ONECUT2: variants seen among roughly 807,000 people sequenced by gnomAD.
ONECUT2 encodes the protein one cut domain family member 2.
A neutral mutation model predicts 27.9 loss-of-function variants in ONECUT2; 10 were observed. The ratio of observed to expected loss-of-function variants is 0.36; its 90% confidence interval spans 0.22 to 0.61. The LOEUF (loss-of-function observed/expected upper bound fraction) is 0.61. Among genes scored for constraint, ONECUT2 ranks in the 20% least tolerant of loss-of-function variants. The pLI, the probability that ONECUT2 is intolerant of heterozygous loss-of-function variation, is 0.73. For missense variants in ONECUT2, 686 were observed against 721.0 expected (o/e 0.95, Z 0.56); for synonymous variants, 334 against 315.1 (o/e 1.06, Z -0.64).
chr18:57,461,079 T>C (rs2050288614), intron 1 of ONECUT2, among the ~76,000 whole-genome samples: 1 of 152,236 alleles, frequency 6.6e-6, no homozygotes, highest in Non-Finnish European at 1.5e-5. Flanking sequence ...CTTGTTACTG[T>C]TGTGAAGGTT....
At chr18:57,458,501 T>A (rs1222623122) in intron 1 of ONECUT2, among the ~76,000 whole-genome samples, 2 of 152,242 alleles carry the variant, frequency 1.3e-5, no homozygotes, top group Non-Finnish European at 1.5e-5. Context: ...CCAAAGCTCC[T>A]TCTTTCCTTT....
At position 57,436,494 on chromosome 18, in the gene ONECUT2, C is replaced by G; in HGVS notation, c.778C>G (p.Pro260Ala). The G allele has an allele frequency of 6.2e-7, 1 of 1,613,408 alleles. No homozygotes were observed. Among genetic ancestry groups the G allele is most frequent in the Non-Finnish European group, 8.5e-7 (1 of 1,179,890 alleles). Residue 260 changes from proline (P) to alanine (A), a missense_variant, in exon 1 of 2, where the codon CCC becomes GCC. Coordinates refer to ENST00000491143, the MANE Select transcript of ONECUT2 (RefSeq NM_004852.3). This position sits in a 1 kb window ranked among gnomAD's most constrained non-coding sequence, Gnocchi z 5.9. ...GPPGHDKMLS[P>A]NFDAHHTAML... ...GCCGGGCCACGACAAAATGCTCAGC[C>G]CCAACTTCGACGCGCACCACACTGC...
chr18:57,476,369 A>G (rs1404678022), intron 1 of ONECUT2, 68 bp from the exon 2 acceptor site: 5 of 1,517,632 alleles, frequency 3.3e-6, no homozygotes, highest in African/African-American at 1.4e-5. Context: ...AACTTTGTCA[A>G]TGTTTTCCAT....
rs1160666886 is a variant in ONECUT2 at position 57,486,933 on chromosome 18, T to C, written c.*10210T>C. 6.5e-6 allele frequency: 1 copy of C among 152,684 alleles called. No individual in the cohort carries two copies. The highest frequency in any genetic ancestry group is 1.5e-5 in the Non-Finnish European group (1 of 68,046). 9.5% of individuals were successfully genotyped at this position (152,684 alleles called of 1,614,324 possible). A position where few individuals can be genotyped will look rare whatever the true frequency, so the allele number is the denominator to read the frequency against. On this transcript the variant is annotated 3_prime_UTR_variant, in exon 2 of 2. Coordinates refer to ENST00000491143, the MANE Select transcript of ONECUT2 (RefSeq NM_004852.3). Reference sequence around the variant, plus strand: ...AGTGCTATAATTTTATGCATGAGGCTAAAAATTTAGCAGTGTGATGCATTG... The same window carrying C: ...AGTGCTATAATTTTATGCATGAGGCCAAAAATTTAGCAGTGTGATGCATTG...
intron 1 of ONECUT2, among the ~76,000 whole-genome samples, chr18:57,471,291 G>A (rs1268257818): frequency 2.6e-5 from 4 of 152,170 alleles, no homozygotes; most frequent in Admixed American, 6.5e-5. Flanking sequence ...CTCCTAGAAC[G>A]CCCAGGAGCA....
At position 57,477,762 on chromosome 18, in the gene ONECUT2, C is replaced by G. The variant is rs558244089; in HGVS notation, c.*1039C>G. 4 of 152,430 alleles carry G rather than the reference C, an allele frequency of 2.6e-5. No homozygotes were observed. The highest frequency in any genetic ancestry group is 2.6e-4 in the Admixed American group (4 of 15,290). 9.4% of individuals were successfully genotyped at this position (152,430 alleles called of 1,614,324 possible). ...TCCTTGGTTGATCAGTCATCTGGTC[C>G]CTCCTACTGTGTGTTATGACCACCA... On this transcript the variant is annotated 3_prime_UTR_variant, in exon 2 of 2. Coordinates refer to ENST00000491143, the MANE Select transcript of ONECUT2 (RefSeq NM_004852.3).
At position 57,436,633 on chromosome 18, in the gene ONECUT2, C is replaced by T. The variant is rs541827118; in HGVS notation, c.917C>T (p.Pro306Leu). 181 of 1,611,782 alleles carry T rather than the reference C, an allele frequency of 1.1e-4. No homozygotes were observed. The highest frequency in any genetic ancestry group is 5.8e-4 in the Admixed American group (35 of 59,996). Residue 306 changes from proline (P) to leucine (L), a missense_variant, in exon 1 of 2, where the codon CCG (proline) becomes CTG (leucine). Coordinates refer to ENST00000491143, the MANE Select transcript of ONECUT2 (RefSeq NM_004852.3). This position sits in a 1 kb window ranked among gnomAD's most constrained non-coding sequence, Gnocchi z 5.9. ...HHPGHTQSHG[P>L]VLAPSRERPP... ...CCGGGCCACACTCAGTCTCACGGGC[C>T]GGTGCTGGCACCCAGTCGCGAGCGG...
chr18:57,454,207 G>A (rs773315824), intron 1 of ONECUT2, among the ~76,000 whole-genome samples: 1 of 152,118 alleles, frequency 6.6e-6, no homozygotes, highest in Non-Finnish European at 1.5e-5. Flanking sequence ...GTTATTGTGA[G>A]CCTTAAGTAA....
At chr18:57,458,367 A>G (rs2050271665) in intron 1 of ONECUT2, among the ~76,000 whole-genome samples, 1 of 152,194 alleles carries the variant, frequency 6.6e-6, no homozygotes, top group Admixed American at 6.5e-5. Flanking sequence ...CAGTGCATTT[A>G]TTTACCTACA....
chr18:57,461,324 C>T (rs991353344), intron 1 of ONECUT2, among the ~76,000 whole-genome samples: 8 of 152,148 alleles, frequency 5.3e-5, no homozygotes, highest in Non-Finnish European at 4.4e-5. Flanking sequence ...ACTCATATGC[C>T]ACAGTTAATC....
In ONECUT2 at chr18:57,436,399, C is replaced by G; in HGVS notation, c.683C>G (p.Ala228Gly). ...ATGAGCCAGAGCCTGTCCCCGCTGG[C>G]CGCCACGCCGCTGGGCAACGGGCTA... ...PGMSQSLSPL[A>G]ATPLGNGLGG... is the part of the protein sequence containing the mutation. The change falls in exon 1 of 2, where the codon GCC (alanine) becomes GGC (glycine). Residue 228 changes from alanine (A) to glycine (G), a missense_variant. This residue lies in a region of ONECUT2 where 511 missense variants were observed against 488.1 expected (regional missense o/e 1.05). Transcript: ENST00000491143. The surrounding 1 kb of genome is among the most constrained non-coding windows in gnomAD (Gnocchi z 5.9). 1 of 1,610,272 alleles carries G rather than the reference C, an allele frequency of 6.2e-7. No individual in the cohort carries two copies. Among genetic ancestry groups the G allele is most frequent in the Non-Finnish European group, 8.5e-7 (1 of 1,179,798 alleles).
chr18:57,437,743 T>A (rs1043542562), intron 1 of ONECUT2, among the ~76,000 whole-genome samples: 1 of 152,244 alleles, frequency 6.6e-6, no homozygotes, highest in Non-Finnish European at 1.5e-5. Flanking sequence ...TTTGCCTTGC[T>A]CACCGGCCGT....
rs1331607960 is a variant in ONECUT2 at position 57,435,997 on chromosome 18, C to A, written c.281C>A (p.Ala94Glu). Residue 94 changes from alanine to glutamate, a missense_variant, in exon 1 of 2, where the codon GCG becomes GAG. Ala to Glu is a moderately radical substitution (Grantham distance 107, BLOSUM62 -1). Transcript: ENST00000491143. ...PPTAHQELGTAAAAAAAASRS... is the reference protein window; with the variant it reads ...PPTAHQELGTEAAAAAAASRS... Reference sequence around the variant, plus strand: ...ACCGCGCACCAGGAGCTGGGCACGGCGGCAGCGGCGGCAGCGGCGGCGTCG... The same window carrying A: ...ACCGCGCACCAGGAGCTGGGCACGGAGGCAGCGGCGGCAGCGGCGGCGTCG... 3 of 1,484,872 alleles carry A rather than the reference C, an allele frequency of 2.0e-6. No individual in the cohort carries two copies. In the African/African-American group the frequency reaches 4.4e-5, roughly 22 times the overall value. 92.0% of individuals were successfully genotyped at this position (1,484,872 alleles called of 1,614,324 possible).
intron 1 of ONECUT2, among the ~76,000 whole-genome samples, chr18:57,451,548 C>T (rs1472916341): frequency 1.3e-5 from 2 of 152,186 alleles, no homozygotes; most frequent in Non-Finnish European, 2.9e-5. Flanking sequence ...TCCTTTTCTG[C>T]CCTCTTCCTA....
intron 1 of ONECUT2, among the ~76,000 whole-genome samples, chr18:57,441,650 G>A (rs575709139): frequency 6.6e-6 from 1 of 152,274 alleles, no homozygotes; most frequent in East Asian, 1.9e-4. Flanking sequence ...GTGCTTGGCC[G>A]TTGCCACTGG....
intron 1 of ONECUT2, among the ~76,000 whole-genome samples, chr18:57,466,065 G>C (rs896318877): frequency 2.0e-5 from 3 of 152,156 alleles, no homozygotes; most frequent in African/African-American, 7.2e-5. Context: ...TACCAGCCTT[G>C]GTGTCCCTCC....
intron 1 of ONECUT2, among the ~76,000 whole-genome samples, chr18:57,473,656 TGC>T (rs1222441339): frequency 2.5e-4 from 38 of 152,174 alleles, no homozygotes; most frequent in African/African-American, 8.7e-4. Flanking sequence ...ATCACCTGGG[TGC>T]TCATGAGAAA....
chr18:57,471,039 C>A (rs1210225798), intron 1 of ONECUT2, among the ~76,000 whole-genome samples: 1 of 152,234 alleles, frequency 6.6e-6, no homozygotes, highest in African/African-American at 2.4e-5. Context: ...GGTCCCTCCC[C>A]AAGCTGAGAG....
At chr18:57,448,053 A>C (rs372604752) in intron 1 of ONECUT2, among the ~76,000 whole-genome samples, 1 of 152,160 alleles carries the variant, frequency 6.6e-6, no homozygotes, top group Non-Finnish European at 1.5e-5. Flanking sequence ...TTTTTCAATC[A>C]GTTGCTTTGC....
Sources: allele counts gnomAD v4.1 joint callset (sites outside exome capture counted in the v4.1 genomes callset), GRCh38; gene constraint gnomAD v4.1.1; regional missense constraint gnomAD v4.1.1; non-coding constraint Gnocchi (gnomAD v3.1); transcripts MANE v1.5; gene names NCBI Gene and HGNC (gene_info 2026-07-23, HGNC 2026-07-21).